The following SYT1 variants were observed in gnomAD, a reference collection of about 807,000 sequenced individuals.
SYT1 encodes the protein synaptotagmin 1.
SYT1 carries 8 observed loss-of-function variants against 44.8 expected under a neutral mutation model. The observed-to-expected ratio is 0.18, with a 90% confidence interval of 0.10 to 0.32. SYT1 has a LOEUF of 0.32. Ranked by LOEUF, SYT1 falls within the 10% of genes least tolerant of loss-of-function variation. SYT1 has a pLI of 1.00. For missense variants in SYT1, 286 were observed against 509.3 expected, an observed-to-expected ratio of 0.56 and a Z score of 4.22; for synonymous variants, 154 against 188.8, an observed-to-expected ratio of 0.82 and a Z score of 1.51.
intron 4 of SYT1, among the ~76,000 whole-genome samples, chr12:79,241,714 T>G (rs1484478803): frequency 2.0e-5 from 3 of 152,226 alleles, no homozygotes; most frequent in Non-Finnish European, 4.4e-5. Flanking sequence ...AACTCAAAAG[T>G]AGATAATGTG....
chr12:78,876,470 T>C (rs1045187523), intron 1 of SYT1, among the ~76,000 whole-genome samples: 1 of 144,642 alleles, frequency 6.9e-6, no homozygotes, highest in Non-Finnish European at 1.5e-5. Context: ...GGTGTTTTTT[T>C]TTTTTTTTTT....
intron 4 of SYT1, among the ~76,000 whole-genome samples, chr12:79,219,255 C>G (rs937646317): frequency 1.3e-5 from 2 of 151,866 alleles, no homozygotes; most frequent in African/African-American, 4.8e-5. Context: ...GACATTAACC[C>G]CTTATCAGAT....
chr12:79,086,676 A>G (rs1877403104), intron 3 of SYT1, among the ~76,000 whole-genome samples: 1 of 152,160 alleles, frequency 6.6e-6, no homozygotes, highest in Non-Finnish European at 1.5e-5. Flanking sequence ...ACTTTGCACA[A>G]GTTAGCCACT....
chr12:79,343,974 A>G (rs1882491610), intron 8 of SYT1, among the ~76,000 whole-genome samples: 1 of 152,294 alleles, frequency 6.6e-6, no homozygotes, highest in African/African-American at 2.4e-5. Context: ...TAAAACACCC[A>G]TTTATTAGTT....
chr12:79,211,712 T>C (rs1261396164), intron 3 of SYT1, among the ~76,000 whole-genome samples: 1 of 151,664 alleles, frequency 6.6e-6, no homozygotes, highest in Non-Finnish European at 1.5e-5. Context: ...GTTCTTGTGA[T>C]AGTTTACTGA....
chr12:79,275,235 T>A (rs1200886326), intron 4 of SYT1, among the ~76,000 whole-genome samples: 1 of 151,974 alleles, frequency 6.6e-6, no homozygotes, highest in African/African-American at 2.4e-5. Flanking sequence ...CTGGGCTCAG[T>A]GGAGGAAGAC....
intron 1 of SYT1, among the ~76,000 whole-genome samples, chr12:78,897,554 T>C (rs181679005): frequency 5.9e-5 from 9 of 152,140 alleles, no homozygotes; most frequent in African/African-American, 2.2e-4. Context: ...CCTGATCCTT[T>C]AAAATGAATA....
chr12:79,446,043 G>C (rs1870721042), intron 10 of SYT1, among the ~76,000 whole-genome samples: 1 of 73,116 alleles, frequency 1.4e-5, no homozygotes, highest in African/African-American at 5.1e-5. Context: ...ATTATGCCTA[G>C]GTCCAAGTTA....
intron 8 of SYT1, among the ~76,000 whole-genome samples, chr12:79,331,941 T>C (rs543432812): frequency 6.6e-6 from 1 of 152,306 alleles, no homozygotes; most frequent in South Asian, 2.1e-4. Context: ...TTTTTCTTCA[T>C]CAAAATGTGA....
chr12:79,211,572 C>T (rs1367547167), intron 3 of SYT1, among the ~76,000 whole-genome samples: 1 of 151,134 alleles, frequency 6.6e-6, no homozygotes, highest in African/African-American at 2.4e-5. Flanking sequence ...GTATATCTCC[C>T]AATGCTATCC....
intron 3 of SYT1, among the ~76,000 whole-genome samples, chr12:79,167,305 T>C (rs1871276548): frequency 6.6e-6 from 1 of 152,064 alleles, no homozygotes; most frequent in African/African-American, 2.4e-5. Flanking sequence ...ATTTGCATTA[T>C]AAGCCACTTT....
Position 79,070,431 on chromosome 12 carries a change from G to A in SYT1, c.-18+23069G>A, listed in dbSNP as rs142029537. On this transcript the variant is annotated intron_variant, in intron 3 of 10. Coordinates refer to ENST00000261205, the MANE Select transcript of SYT1 (RefSeq NM_005639.3). ...TTTTTTAGTCTAATTGATTATTAGCGTTGCATTATCTCTTTTTTTAACCTT... is the reference window on the plus strand; with the variant it reads ...TTTTTTAGTCTAATTGATTATTAGCATTGCATTATCTCTTTTTTTAACCTT... Among the ~76,000 whole-genome samples the A allele has an allele frequency of 1.7e-3, 261 of 151,966 alleles. 2 individuals carry two copies. Among genetic ancestry groups the A allele is most frequent in the African/African-American group, 5.6e-3 (232 of 41,458 alleles).
intron 3 of SYT1, among the ~76,000 whole-genome samples, chr12:79,115,945 C>G (rs1420861834): frequency 2.6e-5 from 4 of 152,104 alleles, no homozygotes; most frequent in African/African-American, 7.2e-5. Flanking sequence ...TTCCCCACAC[C>G]CTGAAAGCTA....
rs566866595 is a variant in SYT1, at chr12:79,287,114, ACT to A, written c.351+1146_351+1147del. 2.1e-3 allele frequency among the ~76,000 whole-genome samples: 313 copies of A among 152,088 alleles called. 3 individuals carry two copies. Among genetic ancestry groups the A allele is most frequent in the African/African-American group, 6.5e-3 (270 of 41,498 alleles). Reference sequence around the variant, plus strand: ...CTCCCCTTCCCAGCTTCAGTTTTAAACTCTTTTTCCTCAAAGACACTATAGTA... The same window carrying A: ...CTCCCCTTCCCAGCTTCAGTTTTAAACTTTTTCCTCAAAGACACTATAGTA... On this transcript the variant is annotated intron_variant, in intron 5 of 10. Transcript: ENST00000261205.
intron 8 of SYT1, among the ~76,000 whole-genome samples, chr12:79,338,958 G>C (rs192339061): frequency 6.6e-6 from 1 of 152,128 alleles, no homozygotes; most frequent in East Asian, 1.9e-4. Flanking sequence ...TCAGAATAAT[G>C]GTTTCCAGCT....
At chr12:78,920,135 A>G (rs539524724) in intron 1 of SYT1, among the ~76,000 whole-genome samples, 8 of 152,138 alleles carry the variant, frequency 5.3e-5, no homozygotes, top group African/African-American at 1.9e-4. Flanking sequence ...TGAGTGATAT[A>G]TAGTAATGTG....
At chr12:79,381,210 C>T (rs1013012169) in intron 9 of SYT1, among the ~76,000 whole-genome samples, 1 of 152,176 alleles carries the variant, frequency 6.6e-6, no homozygotes, top group Admixed American at 6.5e-5. Context: ...AAAACACAAC[C>T]ATTTCCATTT....
chr12:79,384,578 G>T (rs2400395), intron 9 of SYT1, among the ~76,000 whole-genome samples: 84,208 of 151,902 alleles, frequency 0.55, 26,249 homozygotes, highest in Non-Finnish European at 0.7. Flanking sequence ...ACATTCCATT[G>T]CTATGTATGT....
chr12:78,884,027 C>A (rs1261978258), intron 1 of SYT1, among the ~76,000 whole-genome samples: 1 of 103,904 alleles, frequency 9.6e-6, no homozygotes, highest in Non-Finnish European at 2.2e-5. Flanking sequence ...ATTTAAAATA[C>A]TCAATCTAAT....
Sources: gnomAD v4.1 joint callset for allele counts (sites outside exome capture counted in the v4.1 genomes callset) on GRCh38, gnomAD v4.1.1 for gene constraint, MANE v1.5 for transcripts, NCBI Gene and HGNC (gene_info 2026-07-23, HGNC 2026-07-21) for gene names.